PLAC8L1: variants seen among roughly 807,000 people sequenced by gnomAD.
PLAC8L1 encodes the protein PLAC8-like protein 1.
PLAC8L1 carries 13 observed loss-of-function variants against 16.3 expected under a neutral mutation model. That is an observed-to-expected ratio of 0.80 (90% confidence interval 0.52 to 1.27). The LOEUF (loss-of-function observed/expected upper bound fraction) is 1.27. Ranked by LOEUF, PLAC8L1 falls within the 50% of genes most tolerant of loss-of-function variation. PLAC8L1 has a pLI of 0.00. For synonymous variants in PLAC8L1, 78 were observed against 79.3 expected, an observed-to-expected ratio of 0.98 and a Z score of 0.09; for missense variants, 184 against 220.2, an observed-to-expected ratio of 0.84 and a Z score of 1.04.
At chr5:146,103,995 C>T (rs1260257278) in intron 1 of PLAC8L1, 198 bp downstream of exon 1, 11 of 985,268 alleles carry the variant, frequency 1.1e-5, no homozygotes, top group Non-Finnish European at 1.1e-5. Flanking sequence ...CCCAAGCCAG[C>T]CCTTTTCTTG....
intron 2 of PLAC8L1, 89 bp from the exon 3 acceptor site, chr5:146,085,686 C>T (rs1249586422): frequency 2.2e-6 from 3 of 1,377,608 alleles, no homozygotes; most frequent in African/African-American, 1.4e-5. Flanking sequence ...ATTATGCCAC[C>T]AGTTTAATGC....
At chr5:146,102,206 C>T (rs1248219446) in intron 1 of PLAC8L1, among the ~76,000 whole-genome samples, 1 of 151,958 alleles carries the variant, frequency 6.6e-6, no homozygotes, top group Non-Finnish European at 1.5e-5. Flanking sequence ...CAGGCACATG[C>T]CACCATGCCC....
chr5:146,098,420 G>A (rs990308508), intron 1 of PLAC8L1, 128 bp from the exon 2 acceptor site: 1 of 842,710 alleles, frequency 1.2e-6, no homozygotes. Context: ...AGCCCAAATC[G>A]ACTTTGCCAT....
In PLAC8L1 at chr5:146,085,554, G is replaced by A. The variant is rs142846473; in HGVS notation, c.300C>T (p.Ile100=). 545 of 1,613,924 alleles carry A rather than the reference G, an allele frequency of 3.4e-4. No homozygotes were observed. Among genetic ancestry groups the A allele is most frequent in the Non-Finnish European group, 4.1e-4 (488 of 1,180,002 alleles). The change falls in exon 3 of 4, where the codon ATC becomes ATT. Residue 100 remains isoleucine (I), a synonymous_variant. Transcript: ENST00000311450. The part of the protein sequence containing the change: ...LFCPMCLECD[I]ARHYGECLCW... Reference sequence around the variant, plus strand: ...AAAGACACTCTCCATAATGCCTGGCGATGTCACACTCAAGACACATAGGAC... The same window carrying A: ...AAAGACACTCTCCATAATGCCTGGCAATGTCACACTCAAGACACATAGGAC...
At chr5:146,101,546 T>A (rs1441440134) in intron 1 of PLAC8L1, among the ~76,000 whole-genome samples, 1 of 152,212 alleles carries the variant, frequency 6.6e-6, no homozygotes, top group Admixed American at 6.5e-5. Context: ...TGTTCCTCCC[T>A]GTATACCCAC....
At chr5:146,095,433 G>A (rs1320986856) in intron 2 of PLAC8L1, among the ~76,000 whole-genome samples, 1 of 152,138 alleles carries the variant, frequency 6.6e-6, no homozygotes, top group African/African-American at 2.4e-5. Flanking sequence ...TAATGCTTAA[G>A]GCAAACAGTA....
intron 2 of PLAC8L1, among the ~76,000 whole-genome samples, chr5:146,091,668 G>A (rs957703366): frequency 6.6e-5 from 10 of 152,052 alleles, no homozygotes; most frequent in African/African-American, 2.2e-4. Context: ...CAGGCATGGT[G>A]GCATGCACCA....
intron 2 of PLAC8L1, among the ~76,000 whole-genome samples, chr5:146,089,075 G>T (rs1763567265): frequency 2.6e-5 from 4 of 152,274 alleles, no homozygotes; most frequent in African/African-American, 9.6e-5. Context: ...CTGATAAAGA[G>T]AAATGCCCAC....
chr5:146,098,207 C>T lies in PLAC8L1; in HGVS notation c.205G>A (p.Gly69Ser). ...AAGAGACCGGTGCTCCAGCCCCCGC[C>T]AGTCTGGACAATTGCTGTGATTGTC... ...RTTITAIVQT[G>S]GGWSTGLFSV... The change falls in exon 2 of 4, where the codon GGC becomes AGC. Residue 69 changes from glycine to serine, a missense_variant. Gly to Ser is a moderately conservative substitution (Grantham distance 56). Coordinates refer to ENST00000311450, the MANE Select transcript of PLAC8L1 (RefSeq NM_001029869.3). The T allele has an allele frequency of 6.2e-7, 1 of 1,614,146 alleles. No homozygotes were observed. Among genetic ancestry groups the T allele is most frequent in the Non-Finnish European group, 8.5e-7 (1 of 1,180,000 alleles).
chr5:146,101,563 G>A (rs570341071), intron 1 of PLAC8L1, among the ~76,000 whole-genome samples: 4 of 152,126 alleles, frequency 2.6e-5, no homozygotes, highest in East Asian at 1.9e-4. Context: ...CCACTATCCC[G>A]CACACTACCC....
intron 2 of PLAC8L1, among the ~76,000 whole-genome samples, chr5:146,088,228 C>A (rs1218511961): frequency 6.6e-6 from 1 of 152,208 alleles, no homozygotes; most frequent in Non-Finnish European, 1.5e-5. Context: ...TCCCAAAGTA[C>A]TGGGATTACA....
intron 2 of PLAC8L1, among the ~76,000 whole-genome samples, chr5:146,089,726 G>A (rs1042137888): frequency 6.7e-6 from 1 of 149,960 alleles, no homozygotes; most frequent in Non-Finnish European, 1.5e-5. Context: ...TCTTAAGTCA[G>A]GCAACTTCTT....
intron 1 of PLAC8L1, among the ~76,000 whole-genome samples, chr5:146,099,058 G>A (rs968307738): frequency 6.6e-6 from 1 of 152,106 alleles, no homozygotes; most frequent in Non-Finnish European, 1.5e-5. Flanking sequence ...AGCGAGGTAA[G>A]GAAAAACTTC....
intron 1 of PLAC8L1, chr5:146,103,989 A>G (rs1363896391): frequency 3.0e-6 from 3 of 985,312 alleles, no homozygotes; most frequent in South Asian, 9.4e-5. Flanking sequence ...ATTTCACCCA[A>G]GCCAGCCCTT....
intron 3 of PLAC8L1, 71 bp from the exon 4 acceptor site, chr5:146,084,643 A>G (rs1240770166): frequency 1.9e-5 from 30 of 1,571,834 alleles, no homozygotes; most frequent in Non-Finnish European, 2.5e-5. Flanking sequence ...GTCCTGTACA[A>G]TGTTACCTCC....
At chr5:146,094,059 TTTGTTG>T (rs1330480324) in intron 2 of PLAC8L1, among the ~76,000 whole-genome samples, 1 of 152,120 alleles carries the variant, frequency 6.6e-6, no homozygotes, top group Admixed American at 6.6e-5. Flanking sequence ...TTTATAGATT[TTTGTTG>T]TTGTTGTTGT....
intron 1 of PLAC8L1, among the ~76,000 whole-genome samples, chr5:146,102,040 C>CTTTTTTTTTTTTTTTTTTTTTCTTTTT (rs36011275): frequency 7.7e-6 from 1 of 130,506 alleles, no homozygotes; most frequent in Non-Finnish European, 1.6e-5. Flanking sequence ...TGTGTTTACC[C>CTTTTTTTTTTTTTTTTTTTTTCTTTTT]TTTTTTTTTT....
In PLAC8L1 at chr5:146,104,855, C is replaced by T. The variant is rs1171076721; in HGVS notation, c.-544G>A. ...GAAAGGTGGTCTCCTCAAGTTTGAGCTATGGTAGATTGTCACAAGCCTCAA... is the reference window on the plus strand; with the variant it reads ...GAAAGGTGGTCTCCTCAAGTTTGAGTTATGGTAGATTGTCACAAGCCTCAA... On this transcript the variant is annotated 5_prime_UTR_variant, in exon 1 of 4. Coordinates refer to ENST00000311450, the MANE Select transcript of PLAC8L1 (RefSeq NM_001029869.3). 6.6e-6 allele frequency: 1 copy of T among 152,598 alleles called. No individual in the cohort carries two copies. Among genetic ancestry groups the T allele is most frequent in the African/African-American group, 2.4e-5 (1 of 41,468 alleles). 9.5% of individuals were successfully genotyped at this position (152,598 alleles called of 1,614,324 possible). A position where few individuals can be genotyped will look rare whatever the true frequency, so the allele number is the denominator to read the frequency against.
intron 1 of PLAC8L1, among the ~76,000 whole-genome samples, chr5:146,102,854 A>G (rs778237751): frequency 6.6e-6 from 1 of 152,208 alleles, no homozygotes; most frequent in Non-Finnish European, 1.5e-5. Flanking sequence ...CTAGCTCCTC[A>G]GTTGCCAGAG....
Sources: allele counts gnomAD v4.1 joint callset (sites outside exome capture counted in the v4.1 genomes callset), GRCh38; gene constraint gnomAD v4.1.1; transcripts MANE v1.5; gene names NCBI Gene and HGNC (gene_info 2026-07-23, HGNC 2026-07-21).